The following SBF2 variants were observed in gnomAD, a reference collection of about 807,000 sequenced individuals.
The protein encoded by SBF2 is SET binding factor 2.
Under a neutral mutation model 225.2 loss-of-function variants are expected in SBF2, and 112 were observed. The ratio of observed to expected loss-of-function variants is 0.50; its 90% CI spans 0.43 to 0.58. The LOEUF is 0.58. SBF2 is among the 20% of genes least tolerant of loss of function. The probability of loss-of-function intolerance (pLI) is 0.00; values close to 1 mark genes in which losing one functional copy is unlikely to be tolerated. For synonymous variants in SBF2, 763 were observed against 773.3 expected, an observed-to-expected ratio of 0.99 and a Z score of 0.22; for missense variants, 1,996 against 2,206.2, an observed-to-expected ratio of 0.90 and a Z score of 1.91.
At chr11:10,090,487 G>A (rs897303016) in intron 2 of SBF2, among the ~76,000 whole-genome samples, 5 of 152,122 alleles carry the variant, frequency 3.3e-5, no homozygotes, top group African/African-American at 1.2e-4. Flanking sequence ...ATTAGACGCT[G>A]GGCGCAGTGG....
intron 9 of SBF2, among the ~76,000 whole-genome samples, chr11:9,997,950 G>A (rs1947780965): frequency 6.6e-6 from 1 of 152,206 alleles, no homozygotes; most frequent in Admixed American, 6.5e-5. Context: ...GGGATCTTAG[G>A]GGAATCAGGG....
In SBF2 at chr11:9,963,878, C is replaced by T. The variant is rs764440832; in HGVS notation, c.1605G>A (p.Ser535=). The change falls in exon 15 of 40, where the codon TCG becomes TCA. Residue 535 remains serine (S), a synonymous_variant. Coordinates refer to ENST00000256190, the MANE Select transcript of SBF2 (RefSeq NM_030962.4). ...AAACTGTCGTCACCTTGTCCATTAT[C>T]GAAACTAGTAAAAGAATATAAAGAA... ...CVVPAGPPVV[S]IMDKVTTVFN... The T allele has an allele frequency of 3.2e-6, 5 of 1,554,750 alleles. No homozygotes were observed. The highest frequency in any genetic ancestry group is 2.2e-5 in the East Asian group (1 of 44,562).
intron 16 of SBF2, among the ~76,000 whole-genome samples, chr11:9,921,061 CTTCT>C (rs1372693105): frequency 3.4e-5 from 4 of 119,116 alleles, no homozygotes; most frequent in Non-Finnish European, 7.0e-5. Flanking sequence ...GACCTGAAAA[CTTCT>C]TTTTTTTTTT....
intron 2 of SBF2, among the ~76,000 whole-genome samples, chr11:10,056,845 T>C (rs1306652200): frequency 6.6e-6 from 1 of 152,190 alleles, no homozygotes; most frequent in Non-Finnish European, 1.5e-5. Context: ...TTCTAGTCTT[T>C]GGGCTTTGGA....
At chr11:10,261,635 C>A (rs2135513999) in intron 1 of SBF2, among the ~76,000 whole-genome samples, 1 of 152,190 alleles carries the variant, frequency 6.6e-6, no homozygotes, top group South Asian at 2.1e-4. Flanking sequence ...GGTATTTACC[C>A]AAAAGAAATT....
At chr11:9,903,097 G>A (rs1274380227) in intron 16 of SBF2, among the ~76,000 whole-genome samples, 4 of 152,198 alleles carry the variant, frequency 2.6e-5, no homozygotes, top group South Asian at 4.1e-4. Context: ...TGAGGCAGGC[G>A]GATCACGAGG....
intron 1 of SBF2, among the ~76,000 whole-genome samples, chr11:10,215,376 G>A (rs1958092877): frequency 6.6e-6 from 1 of 152,140 alleles, no homozygotes; most frequent in Non-Finnish European, 1.5e-5. Context: ...TTGCATTGTT[G>A]CATTTTTAAC....
chr11:10,135,786 G>A (rs1246909300), intron 2 of SBF2, among the ~76,000 whole-genome samples: 1 of 152,078 alleles, frequency 6.6e-6, no homozygotes, highest in African/African-American at 2.4e-5. Flanking sequence ...ACAAGTCTAG[G>A]AGGTTCCAAA....
intron 13 of SBF2, among the ~76,000 whole-genome samples, chr11:9,973,550 T>A (rs532403227): frequency 6.6e-6 from 1 of 152,330 alleles, no homozygotes; most frequent in South Asian, 2.1e-4. Context: ...TTTCAAGGAA[T>A]GGTCTCTATA....
At chr11:10,299,718 A>T (rs1964577680) in intron 1 of SBF2, among the ~76,000 whole-genome samples, 1 of 150,318 alleles carries the variant, frequency 6.7e-6, no homozygotes, top group Non-Finnish European at 1.5e-5. Flanking sequence ...GTATGTGGGG[A>T]GGGGGTATAA....
intron 2 of SBF2, among the ~76,000 whole-genome samples, chr11:10,054,741 C>G (rs1035852675): frequency 6.6e-6 from 1 of 151,812 alleles, no homozygotes; most frequent in Non-Finnish European, 1.5e-5. Flanking sequence ...AAAAAGTGGA[C>G]AAATGACATG....
chr11:9,855,872 A>C (rs1346297249), intron 19 of SBF2, among the ~76,000 whole-genome samples: 1 of 152,214 alleles, frequency 6.6e-6, no homozygotes, highest in Non-Finnish European at 1.5e-5. Flanking sequence ...AGTACAAAGG[A>C]TGTGAGGCAG....
At chr11:10,232,080 G>A (rs1177664898) in intron 1 of SBF2, among the ~76,000 whole-genome samples, 1 of 152,190 alleles carries the variant, frequency 6.6e-6, no homozygotes, top group African/African-American at 2.4e-5. Context: ...AATGAGCAGG[G>A]CTCCATGGGC....
chr11:9,976,891 CT>C (rs1946716440), intron 13 of SBF2, among the ~76,000 whole-genome samples: 1 of 151,810 alleles, frequency 6.6e-6, no homozygotes, highest in African/African-American at 2.4e-5. Context: ...GCCTCAGCCT[CT>C]CCGAGTAGCT....
rs757476668 is a variant in SBF2 at position 10,129,100 on chromosome 11, CTTTTTTTTTTT to C, written c.141+64791_141+64801del. ...TTGTTATTTGCACGCAATTTTCTCT[CTTTTTTTTTTT>C]TTTTTTTTTTTTTTGAGACACAGTC... On this transcript the variant is annotated intron_variant, in intron 2 of 39. Transcript: ENST00000256190. Among the ~76,000 whole-genome samples, 10 of 89,942 alleles carry C rather than the reference CTTTTTTTTTTT, an allele frequency of 1.1e-4. No homozygotes were observed. In the South Asian group the frequency reaches 1.4e-3, roughly 13 times the overall value. The allele number at this position is 89,942 out of a possible 152,430, so 59.0% of individuals were successfully genotyped here. A position where few individuals can be genotyped will look rare whatever the true frequency, so the allele number is the denominator to read the frequency against.
At chr11:10,149,851 G>A (rs1955090331) in intron 2 of SBF2, among the ~76,000 whole-genome samples, 1 of 152,106 alleles carries the variant, frequency 6.6e-6, no homozygotes, top group African/African-American at 2.4e-5. Flanking sequence ...GTGACTCAAT[G>A]ACATTTTGTC....
intron 17 of SBF2, among the ~76,000 whole-genome samples, chr11:9,859,946 C>A (rs1250099219): frequency 1.3e-5 from 2 of 152,302 alleles, no homozygotes; most frequent in East Asian, 3.9e-4. Context: ...TATTAAGTGG[C>A]TGTAAGTTGT....
chr11:9,955,991 TCTTTTTTC>T (rs1866141201), intron 16 of SBF2, among the ~76,000 whole-genome samples: 1 of 152,136 alleles, frequency 6.6e-6, no homozygotes, highest in Non-Finnish European at 1.5e-5. Flanking sequence ...TCCTTTTTTT[TCTTTTTTC>T]CTTTTTATTT....
intron 2 of SBF2, among the ~76,000 whole-genome samples, chr11:10,084,685 G>A (rs182992003): frequency 7.9e-5 from 12 of 152,278 alleles, no homozygotes; most frequent in African/African-American, 2.9e-4. Context: ...ACCAAACTAA[G>A]TGTCCATCAA....
Sources: gnomAD v4.1 joint callset for allele counts (sites outside exome capture counted in the v4.1 genomes callset) on GRCh38, gnomAD v4.1.1 for gene constraint, MANE v1.5 for transcripts, NCBI Gene and HGNC (gene_info 2026-07-23, HGNC 2026-07-21) for gene names.